The following RAD21L1 variants were observed in gnomAD, a reference collection of about 807,000 sequenced individuals.
The protein encoded by RAD21L1 is RAD21 cohesin complex component like 1.
In RAD21L1, 47 loss-of-function variants were observed where a neutral mutation model predicts 69.0. That is an observed-to-expected ratio of 0.68 (90% CI 0.54 to 0.87). The LOEUF is 0.87. RAD21L1 is among the 40% of genes least tolerant of loss of function. RAD21L1 has a pLI of 0.00. For missense variants in RAD21L1, 583 were observed against 647.6 expected (o/e 0.90, Z 1.08); for synonymous variants, 177 against 205.8 (o/e 0.86, Z 1.20).
At chr20:1,231,665 T>C in intron 4 of RAD21L1, 46 bp downstream of exon 4, 1 of 983,244 alleles carries the variant, frequency 1.0e-6, no homozygotes, top group Admixed American at 2.4e-5. Flanking sequence ...TTCTTGATAT[T>C]TGTTTTTATA....
At position 1,239,423 on chromosome 20, in the gene RAD21L1, C is replaced by T. The variant is rs1055203069; in HGVS notation, c.742+16C>T. On this transcript the variant is annotated intron_variant, in intron 7 of 13. Transcript: ENST00000683101. ...AGTTTAGCAGGTAGGTTGAAATTTT[C>T]CTTTATGAGAAAGTAATGGGTTACT... The T allele has an allele frequency of 2.0e-5, 28 of 1,416,376 alleles. No individual in the cohort carries two copies. In the African/African-American group the frequency reaches 2.3e-4, roughly 12 times the overall value. The allele number at this position is 1,416,376 out of a possible 1,614,324, so 87.7% of individuals were successfully genotyped here. A position where few individuals can be genotyped will look rare whatever the true frequency, so the allele number is the denominator to read the frequency against.
chr20:1,236,190 A>G (rs1323856962), intron 5 of RAD21L1, among the ~76,000 whole-genome samples: 1 of 152,196 alleles, frequency 6.6e-6, no homozygotes, highest in Non-Finnish European at 1.5e-5. Flanking sequence ...AGCCAGTGAT[A>G]TAGTTCACCA....
chr20:1,235,177 G>A (rs1241532894), intron 5 of RAD21L1, among the ~76,000 whole-genome samples: 2 of 152,096 alleles, frequency 1.3e-5, no homozygotes, highest in African/African-American at 2.4e-5. Context: ...AACTCCATGA[G>A]GATAGAATCT....
intron 3 of RAD21L1, 78 bp downstream of exon 3, chr20:1,230,087 T>C: frequency 9.3e-7 from 1 of 1,074,472 alleles, no homozygotes; most frequent in Non-Finnish European, 1.3e-6. Context: ...TTTAATATAC[T>C]TCAGGCTAGT....
intron 7 of RAD21L1, among the ~76,000 whole-genome samples, chr20:1,240,007 T>C (rs2087574274): frequency 6.6e-6 from 1 of 152,194 alleles, no homozygotes; most frequent in African/African-American, 2.4e-5. Flanking sequence ...AGACATATAG[T>C]CAAATTGTTA....
At chr20:1,252,295 C>G (rs186246282) in intron 13 of RAD21L1, among the ~76,000 whole-genome samples, 7 of 152,228 alleles carry the variant, frequency 4.6e-5, no homozygotes, top group African/African-American at 1.4e-4. Context: ...AAGTTATATA[C>G]GCATGAGTAG....
At chr20:1,233,277 G>C (rs971881768) in intron 4 of RAD21L1, among the ~76,000 whole-genome samples, 1 of 152,032 alleles carries the variant, frequency 6.6e-6, no homozygotes. Flanking sequence ...CTTCAACCAT[G>C]GACTCTAAGA....
Position 1,255,046 on chromosome 20 carries a change from C to T in RAD21L1, c.*589C>T, listed in dbSNP as rs939534350. Among the ~76,000 whole-genome samples the T allele has an allele frequency of 2.6e-5, 4 of 152,080 alleles. No individual in the cohort carries two copies. Among genetic ancestry groups the T allele is most frequent in the South Asian group, 2.1e-4 (1 of 4,824 alleles). ...TTCTACACAGACTATTTGGTTGCAA[C>T]GTATATCATACTTGATTTGACATAA... On this transcript the variant is annotated 3_prime_UTR_variant, in exon 14 of 14. Transcript: ENST00000683101.
chr20:1,233,659 CAT>C (rs2087438436), intron 4 of RAD21L1, among the ~76,000 whole-genome samples: 1 of 152,186 alleles, frequency 6.6e-6, no homozygotes, highest in Non-Finnish European at 1.5e-5. Flanking sequence ...CGTATTCTCA[CAT>C]GGTAGATTGA....
At position 1,255,320 on chromosome 20, in the gene RAD21L1, G is replaced by A. The variant is rs1373009130; in HGVS notation, c.*863G>A. Among the ~76,000 whole-genome samples the A allele has an allele frequency of 6.6e-6, 1 of 152,092 alleles. No individual in the cohort carries two copies. Among genetic ancestry groups the A allele is most frequent in the Non-Finnish European group, 1.5e-5 (1 of 68,018 alleles). On this transcript the variant is annotated 3_prime_UTR_variant, in exon 14 of 14. Transcript: ENST00000683101. ...CTGAGTAAAGATCACCAAAATAAATGTTCTTTTGTTTGGTGTTTACTGAAC... is the reference window on the plus strand; with the variant it reads ...CTGAGTAAAGATCACCAAAATAAATATTCTTTTGTTTGGTGTTTACTGAAC...
intron 4 of RAD21L1, 135 bp downstream of exon 4, chr20:1,231,754 G>T: frequency 5.2e-6 from 3 of 574,868 alleles, no homozygotes; most frequent in South Asian, 4.6e-5. Flanking sequence ...CTTATATTTG[G>T]TATAAACTCC....
At chr20:1,244,604 C>G (rs1053968958) in intron 11 of RAD21L1, among the ~76,000 whole-genome samples, 5 of 152,060 alleles carry the variant, frequency 3.3e-5, no homozygotes, top group African/African-American at 1.2e-4. Context: ...GGCCTTGAAT[C>G]TGAAAGACTA....
chr20:1,229,807 G>C, intron 2 of RAD21L1, 73 bp from the exon 3 acceptor site: 2 of 1,150,610 alleles, frequency 1.7e-6, no homozygotes, highest in Non-Finnish European at 2.4e-6. Flanking sequence ...TTCTTACGAT[G>C]TCAGTAACTT....
chr20:1,228,321 CATA>C, intron 1 of RAD21L1, 98 bp from the exon 2 acceptor site: 1 of 550,000 alleles, frequency 1.8e-6, no homozygotes, highest in Non-Finnish European at 3.1e-6. Context: ...TGAATTAGAA[CATA>C]ATCTGAATGT....
chr20:1,231,408 A>G, intron 3 of RAD21L1, 118 bp from the exon 4 acceptor site: 1 of 658,956 alleles, frequency 1.5e-6, no homozygotes, highest in Non-Finnish European at 2.7e-6. Context: ...GTAGGAGTAG[A>G]TAGAGGAAAA....
chr20:1,250,096 A>G lies in RAD21L1; in HGVS notation c.1479+1393A>G, dbSNP rs376657297. On this transcript the variant is annotated intron_variant, in intron 13 of 13. Coordinates refer to ENST00000683101, the MANE Select transcript of RAD21L1 (RefSeq NM_001384355.1). Reference sequence around the variant, plus strand: ...GTTCAATTCCCACCTACGAGTGAGAACATGTGGTGTTTGGTTTTTTGTCCT... The same window carrying G: ...GTTCAATTCCCACCTACGAGTGAGAGCATGTGGTGTTTGGTTTTTTGTCCT... Among the ~76,000 whole-genome samples the G allele has an allele frequency of 4.0e-5, 6 of 149,990 alleles. No homozygotes were observed. The East Asian group carries it at 1.2e-3, about 30-fold the overall frequency.
At chr20:1,248,569 TAGTC>T in intron 12 of RAD21L1, 53 bp from the exon 13 acceptor site, 1 of 974,106 alleles carries the variant, frequency 1.0e-6, no homozygotes, top group Non-Finnish European at 1.6e-6. Context: ...GATGGGCAAA[TAGTC>T]AGCATTTAGT....
rs2087536025 is a variant in RAD21L1 at position 1,238,084 on chromosome 20, T to G, written c.516T>G (p.Asp172Glu). The part of the protein sequence containing the change: ...SEILRRHSFF[D>E]DNILLNSSGP... ...TTCTCAGAAGACATAGCTTCTTTGA[T>G]GACAACATATTACTGAATTCCAGTG... The change falls in exon 6 of 14, where the codon GAT (aspartate) becomes GAG (glutamate). Residue 172 changes from aspartate (D) to glutamate (E), a missense_variant. Transcript: ENST00000683101. 1 of 1,536,432 alleles carries G rather than the reference T, an allele frequency of 6.5e-7. No homozygotes were observed. The highest frequency in any genetic ancestry group is 8.8e-7 in the Non-Finnish European group (1 of 1,136,760).
intron 4 of RAD21L1, 22 bp downstream of exon 4, chr20:1,231,641 C>T (rs961862930): frequency 3.9e-5 from 45 of 1,158,960 alleles, no homozygotes; most frequent in Non-Finnish European, 5.1e-5. Context: ...TATTTATTTT[C>T]CTTCGATTTA....
Sources: allele counts gnomAD v4.1 joint callset (sites outside exome capture counted in the v4.1 genomes callset), GRCh38; gene constraint gnomAD v4.1.1; transcripts MANE v1.5; gene names NCBI Gene and HGNC (gene_info 2026-07-23, HGNC 2026-07-21).